The following DENND5B variants were observed in gnomAD, a reference collection of about 807,000 sequenced individuals.
DENND5B encodes DENN domain containing 5B.
Under a neutral mutation model 140.6 loss-of-function variants are expected in DENND5B, and 34 were observed. That is an observed-to-expected ratio of 0.24 (90% CI 0.18 to 0.32). DENND5B has a LOEUF of 0.32. DENND5B is among the 10% of genes least tolerant of loss of function. The probability of loss-of-function intolerance (pLI) is 1.00; values close to 1 mark genes in which losing one functional copy is unlikely to be tolerated. For missense variants in DENND5B, 1,142 were observed against 1,560.2 expected (o/e 0.73, Z 4.52); for synonymous variants, 551 against 562.1 (o/e 0.98, Z 0.28).
intron 1 of DENND5B, among the ~76,000 whole-genome samples, chr12:31,513,630 G>A (rs1435697145): frequency 6.6e-6 from 1 of 152,068 alleles, no homozygotes; most frequent in African/African-American, 2.4e-5. Flanking sequence ...CCCATTTGAT[G>A]CACCCCCATC....
intron 13 of DENND5B, 86 bp downstream of exon 13, chr12:31,413,350 G>T: frequency 6.6e-7 from 1 of 1,514,398 alleles, no homozygotes; most frequent in South Asian, 1.3e-5. Flanking sequence ...ACTTCATACT[G>T]AAGAAGCCAG....
At chr12:31,526,075 G>A (rs544382544) in intron 1 of DENND5B, among the ~76,000 whole-genome samples, 1 of 152,238 alleles carries the variant, frequency 6.6e-6, no homozygotes, top group African/African-American at 2.4e-5. Context: ...ACCTCACCCA[G>A]TTAACATTAA....
At chr12:31,586,643 T>C (rs367578990) in intron 1 of DENND5B, among the ~76,000 whole-genome samples, 11 of 152,334 alleles carry the variant, frequency 7.2e-5, no homozygotes, top group African/African-American at 2.6e-4. Context: ...AGTTTTATTA[T>C]AAGGTCTTAG....
intron 3 of DENND5B, chr12:31,465,207 G>A (rs1203566524): frequency 6.6e-6 from 1 of 152,286 alleles, no homozygotes; most frequent in African/African-American, 2.4e-5. Flanking sequence ...GGCGGCACAG[G>A]AGCCATGGTG....
rs928353708 is a variant in DENND5B, at chr12:31,559,855, G to A, written c.127+30851C>T. On this transcript the variant is annotated intron_variant, in intron 1 of 20. Transcript: ENST00000389082. Reference sequence around the variant, plus strand: ...GAAATTTTTTAGGAATTTTACAACGGAAGGAAAAAAGGGAAGAAAAAAGAG... The same window carrying A: ...GAAATTTTTTAGGAATTTTACAACGAAAGGAAAAAAGGGAAGAAAAAAGAG... Among the ~76,000 whole-genome samples, 22 of 151,990 alleles carry A rather than the reference G, an allele frequency of 1.4e-4. No individual in the cohort carries two copies. In the East Asian group the frequency reaches 1.7e-3, roughly 12 times the overall value.
intron 8 of DENND5B, among the ~76,000 whole-genome samples, chr12:31,429,841 G>A (rs1943427440): frequency 6.6e-6 from 1 of 151,918 alleles, no homozygotes; most frequent in Non-Finnish European, 1.5e-5. Flanking sequence ...CAAGTAGCTG[G>A]CATTATAGGC....
chr12:31,399,285 T>C (rs1287110637), intron 16 of DENND5B, among the ~76,000 whole-genome samples: 1 of 140,102 alleles, frequency 7.1e-6, no homozygotes, highest in African/African-American at 2.6e-5. Context: ...CTTTTTTTTT[T>C]TTTTTTTTTT....
chr12:31,449,731 G>GT (rs771712867), intron 5 of DENND5B, among the ~76,000 whole-genome samples: 1,669 of 89,912 alleles, frequency 0.019, 81 homozygotes, highest in African/African-American at 0.05. Flanking sequence ...ACACAGATTA[G>GT]TTTTTTTTTT....
At chr12:31,586,405 C>T (rs1412200549) in intron 1 of DENND5B, among the ~76,000 whole-genome samples, 1 of 152,074 alleles carries the variant, frequency 6.6e-6, no homozygotes, top group Non-Finnish European at 1.5e-5. Context: ...ACAAGAACTT[C>T]GATGTGGTAC....
chr12:31,501,467 T>C (rs894165832), intron 1 of DENND5B, among the ~76,000 whole-genome samples: 6 of 152,052 alleles, frequency 3.9e-5, no homozygotes, highest in Non-Finnish European at 8.8e-5. Context: ...GAATATTAAG[T>C]AAAAACTAAA....
intron 7 of DENND5B, among the ~76,000 whole-genome samples, chr12:31,433,628 TA>T (rs1943615208): frequency 6.6e-6 from 1 of 152,216 alleles, no homozygotes; most frequent in Non-Finnish European, 1.5e-5. Context: ...ATATTATGAA[TA>T]TTTTTTAATA....
intron 3 of DENND5B, among the ~76,000 whole-genome samples, chr12:31,475,324 T>C (rs547015884): frequency 3.7e-4 from 54 of 146,490 alleles, no homozygotes; most frequent in Middle Eastern, 3.5e-3. Flanking sequence ...ATTCACTCTG[T>C]TGTTCTCGGC....
rs143753565 is a variant in DENND5B, at chr12:31,544,407, A to G, written c.127+46299T>C. On this transcript the variant is annotated intron_variant, in intron 1 of 20. Coordinates refer to ENST00000389082, the MANE Select transcript of DENND5B (RefSeq NM_144973.4). ...AGCAATCCTCCTGCCTCAGCCTTCCAAGCAGATGGAATTGCTGGCATGTGC... is the reference window on the plus strand; with the variant it reads ...AGCAATCCTCCTGCCTCAGCCTTCCGAGCAGATGGAATTGCTGGCATGTGC... 9.1e-3 allele frequency among the ~76,000 whole-genome samples: 1,379 copies of G among 152,216 alleles called. 24 individuals carry two copies. The highest frequency in any genetic ancestry group is 0.031 in the African/African-American group (1,274 of 41,548).
intron 19 of DENND5B, among the ~76,000 whole-genome samples, chr12:31,390,987 G>A (rs1161945317): frequency 2.0e-5 from 3 of 152,338 alleles, no homozygotes; most frequent in Admixed American, 6.5e-5. Flanking sequence ...CTGCACTCCA[G>A]CCTGGGCAGT....
intron 1 of DENND5B, among the ~76,000 whole-genome samples, chr12:31,566,398 TATTAA>T (rs775681580): frequency 2.4e-4 from 37 of 151,846 alleles, no homozygotes; most frequent in Middle Eastern, 6.8e-3. Context: ...TTATTATTGT[TATTAA>T]ATTAAGAGAT....
At chr12:31,414,072 A>G (rs1942600540) in intron 12 of DENND5B, among the ~76,000 whole-genome samples, 1 of 152,222 alleles carries the variant, frequency 6.6e-6, no homozygotes, top group Non-Finnish European at 1.5e-5. Context: ...GCCAGACTGC[A>G]TTGATAATCT....
At chr12:31,552,600 C>T (rs1051893818) in intron 1 of DENND5B, among the ~76,000 whole-genome samples, 2 of 152,206 alleles carry the variant, frequency 1.3e-5, no homozygotes, top group Non-Finnish European at 2.9e-5. Flanking sequence ...GGAGGATACC[C>T]TCTTTTTCTA....
In DENND5B at chr12:31,395,190, C is replaced by T. The variant is rs557560707; in HGVS notation, c.3257-2494G>A. Among the ~76,000 whole-genome samples the T allele has an allele frequency of 7.2e-5, 11 of 152,188 alleles. No homozygotes were observed. In the South Asian group the frequency reaches 1.2e-3, roughly 17 times the overall value. On this transcript the variant is annotated intron_variant, in intron 17 of 20. Coordinates refer to ENST00000389082, the MANE Select transcript of DENND5B (RefSeq NM_144973.4). ...GAGTAAGATTGCTGGGCCAAGCGTA[C>T]GGTAAGTGTGCATGTATCTTTATAA...
intron 8 of DENND5B, among the ~76,000 whole-genome samples, chr12:31,428,314 C>T (rs1943340042): frequency 2.0e-5 from 3 of 150,514 alleles, no homozygotes; most frequent in Admixed American, 2.0e-4. Context: ...CGCACTCCAG[C>T]CTAGGTGACA....
Sources: gnomAD v4.1 joint callset for allele counts (sites outside exome capture counted in the v4.1 genomes callset) on GRCh38, gnomAD v4.1.1 for gene constraint, MANE v1.5 for transcripts, NCBI Gene and HGNC (gene_info 2026-07-23, HGNC 2026-07-21) for gene names.